The following KCNJ13 variants were observed in gnomAD, a reference collection of about 807,000 sequenced individuals.
KCNJ13 encodes inward rectifier potassium channel 13.
In KCNJ13, 9 loss-of-function variants were observed where a neutral mutation model predicts 24.6. The ratio of observed to expected loss-of-function variants is 0.37; its 90% CI spans 0.22 to 0.64. The LOEUF (loss-of-function observed/expected upper bound fraction) is 0.64, where lower values mean the gene tolerates loss of function less well. KCNJ13 is among the 30% of genes least tolerant of loss of function. KCNJ13 has a pLI of 0.64. For synonymous variants in KCNJ13, 148 were observed against 154.7 expected (o/e 0.96, Z 0.32); for missense variants, 337 against 443.8 (o/e 0.76, Z 2.16).
At chr2:232,770,167 C>A (rs1699174310) in intron 2 of KCNJ13, among the ~76,000 whole-genome samples, 3 of 152,324 alleles carry the variant, frequency 2.0e-5, no homozygotes, top group African/African-American at 7.2e-5. Flanking sequence ...ACTGGGATTT[C>A]ATTCCAGATC....
chr2:232,775,412 C>T (rs1699470377), intron 1 of KCNJ13, among the ~76,000 whole-genome samples: 1 of 152,094 alleles, frequency 6.6e-6, no homozygotes, highest in African/African-American at 2.4e-5. Flanking sequence ...AACATATTTC[C>T]ACTTCCTACA....
intron 1 of KCNJ13, among the ~76,000 whole-genome samples, chr2:232,775,064 ATT>A (rs956789044): frequency 3.4e-5 from 5 of 145,474 alleles, no homozygotes; most frequent in East Asian, 2.0e-4. Context: ...GTTAAGCAGC[ATT>A]TTTTTTTTTT....
In KCNJ13 at chr2:232,766,103, C is replaced by A; in HGVS notation, c.*2088G>T. ...ATGGTCTTTCTATAGAAAACCTAATCCTTAACCTAGAAACTGTGATTTGAA... is the reference window on the plus strand; with the variant it reads ...ATGGTCTTTCTATAGAAAACCTAATACTTAACCTAGAAACTGTGATTTGAA... On this transcript the variant is annotated 3_prime_UTR_variant, in exon 3 of 3. Coordinates refer to ENST00000233826, the MANE Select transcript of KCNJ13 (RefSeq NM_002242.4). 1 of 419,074 alleles carries A rather than the reference C, an allele frequency of 2.4e-6. No homozygotes were observed. Among genetic ancestry groups the A allele is most frequent in the Non-Finnish European group, 5.0e-6 (1 of 199,238 alleles). 26.0% of individuals were successfully genotyped at this position (419,074 alleles called of 1,614,324 possible).
In KCNJ13 at chr2:232,768,353, G is replaced by A. The variant is rs1463907431; in HGVS notation, c.921C>T (p.Ser307=). The A allele has an allele frequency of 8.7e-6, 14 of 1,613,972 alleles. No homozygotes were observed. Among genetic ancestry groups the A allele is most frequent in the Non-Finnish European group, 1.2e-5 (14 of 1,180,012 alleles). Residue 307 remains serine, a synonymous_variant, in exon 3 of 3, where the codon TCC becomes TCT. Transcript: ENST00000233826. ...CCATCTTGATTTGATATTCACCTTTGGAACCTCGGGTCAACAGAGATGCAA... is the reference window on the plus strand; with the variant it reads ...CCATCTTGATTTGATATTCACCTTTAGAACCTCGGGTCAACAGAGATGCAA... ...HCFASLLTRG[S]KGEYQIKMEN...
intron 1 of KCNJ13, among the ~76,000 whole-genome samples, chr2:232,774,764 C>T (rs562330897): frequency 6.6e-6 from 1 of 152,232 alleles, no homozygotes; most frequent in South Asian, 2.1e-4. Flanking sequence ...CTGCTAAGTG[C>T]TTAGTGTTTC....
At position 232,776,530 on chromosome 2, in the gene KCNJ13, T is replaced by G; in HGVS notation, c.-102A>C. The G allele has an allele frequency of 1.0e-6, 1 of 981,282 alleles. No homozygotes were observed. 60.8% of individuals were successfully genotyped at this position (981,282 alleles called of 1,614,324 possible). A position where few individuals can be genotyped will look rare whatever the true frequency, so the allele number is the denominator to read the frequency against. On this transcript the variant is annotated 5_prime_UTR_variant, in exon 1 of 3. Coordinates refer to ENST00000233826, the MANE Select transcript of KCNJ13 (RefSeq NM_002242.4). ...TGCCTTTTTGATCAGATAATTTTAATCTACAAGTCTAGTTTGTAGGTTCTC... is the reference window on the plus strand; with the variant it reads ...TGCCTTTTTGATCAGATAATTTTAAGCTACAAGTCTAGTTTGTAGGTTCTC...
intron 1 of KCNJ13, among the ~76,000 whole-genome samples, chr2:232,772,329 A>G (rs1259758389): frequency 6.6e-6 from 1 of 152,108 alleles, no homozygotes; most frequent in Non-Finnish European, 1.5e-5. Flanking sequence ...CTAGGCTCTG[A>G]TTAGATTGGG....
intron 1 of KCNJ13, 82 bp from the exon 2 acceptor site, chr2:232,771,460 C>T (rs1198740775): frequency 2.3e-6 from 2 of 885,890 alleles, no homozygotes; most frequent in East Asian, 2.6e-5. Flanking sequence ...GGACTTTCTG[C>T]TTTCTTGGGA....
intron 1 of KCNJ13, 145 bp downstream of exon 1, chr2:232,776,300 A>T (rs41266951): frequency 0.19 from 102,266 of 541,790 alleles, 11,150 homozygotes; most frequent in Non-Finnish European, 0.22. Flanking sequence ...AAAAGAATAT[A>T]GAAACCTTAC....
rs1699010299 is a variant in KCNJ13 at position 232,767,245 on chromosome 2, A to G, written c.*946T>C. Reference sequence around the variant, plus strand: ...TGCCTAATTATCTTTTGCTTTATCTACTGTAGATTTTTTTCCCTACTCACT... The same window carrying G: ...TGCCTAATTATCTTTTGCTTTATCTGCTGTAGATTTTTTTCCCTACTCACT... On this transcript the variant is annotated 3_prime_UTR_variant, in exon 3 of 3. Coordinates refer to ENST00000233826, the MANE Select transcript of KCNJ13 (RefSeq NM_002242.4). 1 of 152,170 alleles carries G rather than the reference A, an allele frequency of 6.6e-6. No individual in the cohort carries two copies. Among genetic ancestry groups the G allele is most frequent in the South Asian group, 2.1e-4 (1 of 4,824 alleles). 9.4% of individuals were successfully genotyped at this position (152,170 alleles called of 1,614,324 possible). A position where few individuals can be genotyped will look rare whatever the true frequency, so the allele number is the denominator to read the frequency against.
At position 232,768,440 on chromosome 2, in the gene KCNJ13, A is replaced by T; in HGVS notation, c.834T>A (p.Thr278=). Residue 278 remains threonine (T), a synonymous_variant, in exon 3 of 3, where the codon ACT becomes ACA. Coordinates refer to ENST00000233826, the MANE Select transcript of KCNJ13 (RefSeq NM_002242.4). ...ATGTCCTCCTTTGGCATATTTCTCC[A>T]GTGCCCTCCTGCATTGCTGAAAGGA... ...VVFLSAMQEG[T]GEICQRRTSY... is the part of the protein sequence containing the mutation. The T allele has an allele frequency of 6.2e-7, 1 of 1,614,232 alleles. No individual in the cohort carries two copies. Among genetic ancestry groups the T allele is most frequent in the Non-Finnish European group, 8.5e-7 (1 of 1,180,022 alleles).
chr2:232,769,783 A>G (rs1047740913), intron 2 of KCNJ13, among the ~76,000 whole-genome samples: 1 of 152,230 alleles, frequency 6.6e-6, no homozygotes. Flanking sequence ...AAAGTAAAAT[A>G]TAAAAGAAAC....
At chr2:232,771,444 G>T in intron 1 of KCNJ13, 66 bp from the exon 2 acceptor site, 1 of 1,037,758 alleles carries the variant, frequency 9.6e-7, no homozygotes, top group Non-Finnish European at 1.4e-6. Flanking sequence ...AATTTGGAGA[G>T]CTCATGGACT....
At position 232,776,534 on chromosome 2, in the gene KCNJ13, C is replaced by A; in HGVS notation, c.-106G>T. 1 of 967,464 alleles carries A rather than the reference C, an allele frequency of 1.0e-6. No homozygotes were observed. The highest frequency in any genetic ancestry group is 1.6e-6 in the Non-Finnish European group (1 of 608,698). The allele number at this position is 967,464 out of a possible 1,614,324, so 59.9% of individuals were successfully genotyped here. On this transcript the variant is annotated 5_prime_UTR_variant, in exon 1 of 3. Coordinates refer to ENST00000233826, the MANE Select transcript of KCNJ13 (RefSeq NM_002242.4). ...TTTTTGATCAGATAATTTTAATCTA[C>A]AAGTCTAGTTTGTAGGTTCTCTTCT...
Position 232,767,221 on chromosome 2 carries a change from G to C in KCNJ13, c.*970C>G, listed in dbSNP as rs982752400. ...AATTTGAGTTTGAAAATGCTTTGTT[G>C]CCTAATTATCTTTTGCTTTATCTAC... On this transcript the variant is annotated 3_prime_UTR_variant, in exon 3 of 3. Transcript: ENST00000233826. 2.6e-5 allele frequency: 4 copies of C among 152,030 alleles called. No individual in the cohort carries two copies. Among genetic ancestry groups the C allele is most frequent in the Admixed American group, 1.3e-4 (2 of 15,258 alleles). 9.4% of individuals were successfully genotyped at this position (152,030 alleles called of 1,614,324 possible).
At position 232,768,124 on chromosome 2, in the gene KCNJ13, T is replaced by C; in HGVS notation, c.*67A>G. On this transcript the variant is annotated 3_prime_UTR_variant, in exon 3 of 3. Coordinates refer to ENST00000233826, the MANE Select transcript of KCNJ13 (RefSeq NM_002242.4). The stretch of plus-strand genomic sequence containing the variant: ...AGCATTGAAAAAAGAAAACATGAGA[T>C]ACAGTAAAGAAAAAGTAGCTGCATA... 6.7e-7 allele frequency: 1 copy of C among 1,500,742 alleles called. No individual in the cohort carries two copies. The highest frequency in any genetic ancestry group is 1.7e-5 in the Admixed American group (1 of 59,648). 93.0% of individuals were successfully genotyped at this position (1,500,742 alleles called of 1,614,324 possible). A position where few individuals can be genotyped will look rare whatever the true frequency, so the allele number is the denominator to read the frequency against.
Position 232,767,930 on chromosome 2 carries a change from A to G in KCNJ13, c.*261T>C. 1 of 461,588 alleles carries G rather than the reference A, an allele frequency of 2.2e-6. No homozygotes were observed. Among genetic ancestry groups the G allele is most frequent in the Non-Finnish European group, 3.9e-6 (1 of 253,566 alleles). The allele number at this position is 461,588 out of a possible 1,614,324, so 28.6% of individuals were successfully genotyped here. On this transcript the variant is annotated 3_prime_UTR_variant, in exon 3 of 3. Coordinates refer to ENST00000233826, the MANE Select transcript of KCNJ13 (RefSeq NM_002242.4). ...CTAGTATCATACCACATTCTTATAA[A>G]TTCACCAGCAACATTTCTGTATAAG...
intron 1 of KCNJ13, among the ~76,000 whole-genome samples, chr2:232,774,192 A>G (rs1241810523): frequency 1.3e-5 from 2 of 152,084 alleles, no homozygotes. Context: ...ATACATTCTG[A>G]GTCCAGAGTT....
At position 232,767,951 on chromosome 2, in the gene KCNJ13, A is replaced by G. The variant is rs1317953017; in HGVS notation, c.*240T>C. ...ATAAATTCACCAGCAACATTTCTGT[A>G]TAAGTGTCTGTCAAGTTGAGTTACA... On this transcript the variant is annotated 3_prime_UTR_variant, in exon 3 of 3. Transcript: ENST00000233826. 7 of 516,142 alleles carry G rather than the reference A, an allele frequency of 1.4e-5. No homozygotes were observed. Among genetic ancestry groups the G allele is most frequent in the East Asian group, 3.5e-5 (1 of 28,680 alleles). The allele number at this position is 516,142 out of a possible 1,614,324, so 32.0% of individuals were successfully genotyped here.
Sources: allele counts gnomAD v4.1 joint callset (sites outside exome capture counted in the v4.1 genomes callset), GRCh38; gene constraint gnomAD v4.1.1; transcripts MANE v1.5; gene names NCBI Gene and HGNC (gene_info 2026-07-23, HGNC 2026-07-21).